Variants in TGFBR3 observed in about 807,000 individuals in gnomAD.
TGFBR3 encodes the protein transforming growth factor beta receptor type 3.
Under a neutral mutation model 87.9 loss-of-function variants are expected in TGFBR3, and 46 were observed. That is an observed-to-expected ratio of 0.52 (90% CI 0.41 to 0.67). The LOEUF (loss-of-function observed/expected upper bound fraction) is 0.67. Among genes scored for constraint, TGFBR3 ranks in the 30% least tolerant of loss-of-function variants. The pLI is 0.00. For synonymous variants in TGFBR3, 381 were observed against 391.6 expected (o/e 0.97, Z 0.32); for missense variants, 866 against 1,041.9 (o/e 0.83, Z 2.32).
intron 3 of TGFBR3, among the ~76,000 whole-genome samples, chr1:91,772,043 G>C (rs1158958953): frequency 1.3e-5 from 2 of 152,082 alleles, no homozygotes; most frequent in African/African-American, 4.8e-5. Context: ...TTCAGACGGA[G>C]CTAAGGAAAT....
At chr1:91,869,140 A>C (rs1678489758) in intron 1 of TGFBR3, among the ~76,000 whole-genome samples, 1 of 152,210 alleles carries the variant, frequency 6.6e-6, no homozygotes, top group Non-Finnish European at 1.5e-5. Context: ...TTACTTCTTG[A>C]AGGAAGCCTC....
At chr1:91,819,921 A>G (rs1676382734) in intron 2 of TGFBR3, among the ~76,000 whole-genome samples, 1 of 152,244 alleles carries the variant, frequency 6.6e-6, no homozygotes, top group African/African-American at 2.4e-5. Context: ...TCAAATCTTG[A>G]ACTGGCTTCT....
intron 2 of TGFBR3, among the ~76,000 whole-genome samples, chr1:91,809,917 G>A (rs1675971067): frequency 6.6e-6 from 1 of 152,220 alleles, no homozygotes. Context: ...CTGAGAAGCT[G>A]TGGACCTGGT....
At chr1:91,895,424 T>C (rs1053354451) in intron 2 of TGFBR3, among the ~76,000 whole-genome samples, 1 of 152,168 alleles carries the variant, frequency 6.6e-6, no homozygotes, top group Non-Finnish European at 1.5e-5. Context: ...ATGCTTCCTA[T>C]ACAGCCTATA....
At chr1:91,726,419 G>A (rs1321843647) in intron 7 of TGFBR3, among the ~76,000 whole-genome samples, 2 of 151,876 alleles carry the variant, frequency 1.3e-5, no homozygotes, top group Non-Finnish European at 2.9e-5. Context: ...GCCAGAGAAG[G>A]CAATCAAAAC....
At chr1:91,871,866 C>A (rs989088920) in intron 1 of TGFBR3, among the ~76,000 whole-genome samples, 2 of 152,120 alleles carry the variant, frequency 1.3e-5, no homozygotes, top group African/African-American at 4.8e-5. Context: ...AAGCTCCATG[C>A]CTGATCTATA....
chr1:91,698,726 T>A (rs1671513286), intron 14 of TGFBR3, among the ~76,000 whole-genome samples: 1 of 152,148 alleles, frequency 6.6e-6, no homozygotes. Context: ...GGTCTCTAAC[T>A]CATGGGCTCA....
chr1:91,708,484 A>G (rs143231875), intron 14 of TGFBR3, among the ~76,000 whole-genome samples, 179 bp downstream of exon 14: 12 of 152,330 alleles, frequency 7.9e-5, no homozygotes, highest in Admixed American at 2.6e-4. Context: ...ACTAAGCCAT[A>G]ATGGCTGTAA....
chr1:91,744,891 C>G (rs986202146), intron 4 of TGFBR3, among the ~76,000 whole-genome samples: 7 of 152,184 alleles, frequency 4.6e-5, no homozygotes, highest in Admixed American at 1.3e-4. Context: ...GGAGTCATCT[C>G]CTTGCACATC....
At position 91,797,276 on chromosome 1, in the gene TGFBR3, C is replaced by A. The variant is rs11466568; in HGVS notation, c.246+11G>T. On this transcript the variant is annotated intron_variant, in intron 3 of 16. Coordinates refer to ENST00000212355, the MANE Select transcript of TGFBR3 (RefSeq NM_003243.5). Reference sequence around the variant, plus strand: ...AGTGGCAGTGGGCTGAGAGCTGACACCTGCACCTACCTCTCTCTGTAGCTG... The same window carrying A: ...AGTGGCAGTGGGCTGAGAGCTGACAACTGCACCTACCTCTCTCTGTAGCTG... The A allele has an allele frequency of 4.1e-4, 657 of 1,613,806 alleles. 3 individuals are homozygous for A. In the African/African-American group the frequency reaches 7.3e-3, roughly 18 times the overall value.
chr1:91,731,844 C>A (rs1672785097), intron 5 of TGFBR3, among the ~76,000 whole-genome samples: 1 of 152,168 alleles, frequency 6.6e-6, no homozygotes, highest in South Asian at 2.1e-4. Context: ...TGTGAAGCCA[C>A]TAGGAAAGGT....
intron 3 of TGFBR3, among the ~76,000 whole-genome samples, chr1:91,792,252 G>T (rs1191389680): frequency 6.6e-6 from 1 of 152,032 alleles, no homozygotes; most frequent in East Asian, 1.9e-4. Flanking sequence ...CTGTTGGTAT[G>T]CCTGTTGCTG....
intron 2 of TGFBR3, among the ~76,000 whole-genome samples, chr1:91,842,066 C>A (rs1230178831): frequency 6.6e-6 from 1 of 150,754 alleles, no homozygotes; most frequent in African/African-American, 2.4e-5. Flanking sequence ...TGTGCCCCTG[C>A]ACTCCAGCCT....
intron 2 of TGFBR3, among the ~76,000 whole-genome samples, chr1:91,815,809 G>A (rs1676201299): frequency 1.3e-5 from 2 of 152,224 alleles, no homozygotes; most frequent in Non-Finnish European, 2.9e-5. Flanking sequence ...AATGGTTTGT[G>A]TTATAAAATC....
Position 91,714,128 on chromosome 1 carries a change from C to T in TGFBR3, c.1867-1586G>A, listed in dbSNP as rs532103171. ...ACTACGGGCTTTGTAGTGAGACGAG[C>T]TCATAAAAATTACATGCTCTCCTGC... On this transcript the variant is annotated intron_variant, in intron 12 of 16. Transcript: ENST00000212355. 7.3e-5 allele frequency among the ~76,000 whole-genome samples: 11 copies of T among 151,446 alleles called. No individual in the cohort carries two copies. In the South Asian group the frequency reaches 2.3e-3, roughly 32 times the overall value.
At chr1:91,852,827 C>CA (rs1368421544) in intron 2 of TGFBR3, among the ~76,000 whole-genome samples, 1 of 152,072 alleles carries the variant, frequency 6.6e-6, no homozygotes, top group African/African-American at 2.4e-5. Flanking sequence ...CCTTGTGTAT[C>CA]AAAAAGCAGA....
intron 2 of TGFBR3, among the ~76,000 whole-genome samples, chr1:91,836,828 T>C (rs947139784): frequency 9.9e-5 from 15 of 152,180 alleles, no homozygotes; most frequent in African/African-American, 3.1e-4. Context: ...ACATACACGC[T>C]GCATTAGATA....
At chr1:91,796,980 T>C (rs1267587620) in intron 3 of TGFBR3, among the ~76,000 whole-genome samples, 2 of 152,074 alleles carry the variant, frequency 1.3e-5, no homozygotes, top group Non-Finnish European at 2.9e-5. Context: ...TCCTCCCACC[T>C]TGGCCTCTCA....
At chr1:91,730,074 G>T in intron 5 of TGFBR3, 101 bp from the exon 6 acceptor site, 1 of 1,321,684 alleles carries the variant, frequency 7.6e-7, no homozygotes, top group East Asian at 2.4e-5. Context: ...GGCAGACACA[G>T]GGAACCACGA....
Sources: gnomAD v4.1 joint callset for allele counts (sites outside exome capture counted in the v4.1 genomes callset) on GRCh38, gnomAD v4.1.1 for gene constraint, MANE v1.5 for transcripts, NCBI Gene and HGNC (gene_info 2026-07-23, HGNC 2026-07-21) for gene names.